NAALADL2: variants seen among roughly 807,000 people sequenced by gnomAD.
NAALADL2 encodes N-acetylated alpha-linked acidic dipeptidase like 2.
A neutral mutation model predicts 87.2 loss-of-function variants in NAALADL2; 76 were observed. The observed-to-expected ratio is 0.87, with a 90% CI of 0.72 to 1.05. The LOEUF is 1.05. Among genes scored for constraint, NAALADL2 ranks in the 50% least tolerant of loss-of-function variants. The pLI, the probability that NAALADL2 is intolerant of heterozygous loss-of-function variation, is 0.00. For synonymous variants in NAALADL2, 354 were observed against 331.0 expected, an observed-to-expected ratio of 1.07 and a Z score of -0.75; for missense variants, 1,089 against 945.8, an observed-to-expected ratio of 1.15 and a Z score of -1.99.
At chr3:175,481,518 C>T (rs1726467455) in intron 9 of NAALADL2, among the ~76,000 whole-genome samples, 1 of 151,578 alleles carries the variant, frequency 6.6e-6, no homozygotes, top group Admixed American at 6.6e-5. Flanking sequence ...AAAATGGCGC[C>T]ATCCCTTGAA....
chr3:175,215,887 G>A (rs1251978653), intron 2 of NAALADL2, among the ~76,000 whole-genome samples: 1 of 152,106 alleles, frequency 6.6e-6, no homozygotes, highest in African/African-American at 2.4e-5. Context: ...AGACAGGCTA[G>A]GTGCTAATAA....
chr3:174,973,976 C>A (rs1176434421), intron 1 of NAALADL2, among the ~76,000 whole-genome samples: 1 of 152,088 alleles, frequency 6.6e-6, no homozygotes, highest in Non-Finnish European at 1.5e-5. Flanking sequence ...AATGATATAA[C>A]CTGTATCTAT....
At chr3:175,090,327 A>G (rs1030248346) in intron 1 of NAALADL2, among the ~76,000 whole-genome samples, 3 of 151,966 alleles carry the variant, frequency 2.0e-5, no homozygotes, top group Non-Finnish European at 4.4e-5. Context: ...GGTTCATACT[A>G]ATCAGCTCTT....
In NAALADL2 at chr3:175,325,531, G is replaced by A. The variant is rs188303540; in HGVS notation, c.1090+1206G>A. Among the ~76,000 whole-genome samples the A allele has an allele frequency of 9.1e-4, 139 of 152,296 alleles. 1 individual carries two copies. Among genetic ancestry groups the A allele is most frequent in the Non-Finnish European group, 7.8e-4 (53 of 68,028 alleles). On this transcript the variant is annotated intron_variant, in intron 5 of 13. Transcript: ENST00000454872. Reference sequence around the variant, plus strand: ...GCAAATACACTCACTGTCCTGCATTGTAATTGCTCAGCTTCAGGAAGCTGC... The same window carrying A: ...GCAAATACACTCACTGTCCTGCATTATAATTGCTCAGCTTCAGGAAGCTGC...
intron 11 of NAALADL2, among the ~76,000 whole-genome samples, chr3:175,716,613 A>G (rs1344923817): frequency 1.3e-5 from 2 of 152,092 alleles, no homozygotes; most frequent in East Asian, 3.9e-4. Flanking sequence ...ATATAGGCCA[A>G]AAAAGTCTTA....
intron 1 of NAALADL2, among the ~76,000 whole-genome samples, chr3:175,005,345 T>C (rs1748874132): frequency 6.6e-6 from 1 of 152,138 alleles, no homozygotes; most frequent in Non-Finnish European, 1.5e-5. Context: ...TCACTAAGTG[T>C]TGACTGTATT....
intron 11 of NAALADL2, among the ~76,000 whole-genome samples, chr3:175,686,833 G>C: frequency 6.6e-6 from 1 of 152,146 alleles, no homozygotes; most frequent in East Asian, 1.9e-4. Flanking sequence ...AGGTCAGGGA[G>C]AGGTCATGAA....
chr3:174,598,752 GA>G (rs1718161432), intron 2 of NAALADL2, among the ~76,000 whole-genome samples: 1 of 151,964 alleles, frequency 6.6e-6, no homozygotes, highest in Admixed American at 6.6e-5. Context: ...CATTACTATA[GA>G]AAAAAAGTAC....
chr3:174,519,834 A>T lies in NAALADL2; in HGVS notation c.-183-30735A>T, dbSNP rs189611527. Among the ~76,000 whole-genome samples the T allele has an allele frequency of 1.1e-4, 17 of 152,292 alleles. No individual in the cohort carries two copies. In the East Asian group the frequency reaches 3.3e-3, roughly 29 times the overall value. ...CTTAACGAACTATGCATCAAAAGGA[A>T]TATACCTCAAAATAAGGAGAGCCAC... On this transcript the variant is annotated intron_variant, in intron 1 of 3. Transcript: ENST00000434257.
chr3:174,753,944 T>A (rs1384090134), intron 3 of NAALADL2, among the ~76,000 whole-genome samples: 1 of 152,070 alleles, frequency 6.6e-6, no homozygotes, highest in African/African-American at 2.4e-5. Flanking sequence ...GAGGCCAAAA[T>A]AAGGAAGTGG....
chr3:175,065,072 A>G (rs941030650), intron 1 of NAALADL2, among the ~76,000 whole-genome samples: 1 of 152,184 alleles, frequency 6.6e-6, no homozygotes, highest in East Asian at 1.9e-4. Context: ...CCAACATTTA[A>G]AAAGAAGGAA....
intron 11 of NAALADL2, among the ~76,000 whole-genome samples, chr3:175,734,806 C>T (rs192120027): frequency 6.6e-6 from 1 of 152,278 alleles, no homozygotes; most frequent in African/African-American, 2.4e-5. Context: ...TTTTTTCCTC[C>T]CAAACCTCCA....
intron 2 of NAALADL2, among the ~76,000 whole-genome samples, chr3:174,684,917 A>G (rs1284887890): frequency 6.6e-6 from 1 of 152,060 alleles, no homozygotes; most frequent in Non-Finnish European, 1.5e-5. Flanking sequence ...TCACCCGGCC[A>G]CTGTGATAAA....
chr3:174,939,369 C>A (rs921313786), intron 1 of NAALADL2, among the ~76,000 whole-genome samples: 1 of 151,822 alleles, frequency 6.6e-6, no homozygotes, highest in Non-Finnish European at 1.5e-5. Flanking sequence ...GGTCCATGTG[C>A]CTATTTTTAT....
chr3:175,369,416 G>A (rs1315059923), intron 5 of NAALADL2: 1 of 150,610 alleles, frequency 6.6e-6, no homozygotes, highest in African/African-American at 2.5e-5. Context: ...AAGTATGTGT[G>A]TGCCTGTGTG....
At chr3:174,519,005 C>CT (rs953913085) in intron 1 of NAALADL2, among the ~76,000 whole-genome samples, 16 of 152,170 alleles carry the variant, frequency 1.1e-4, no homozygotes, top group African/African-American at 3.6e-4. Context: ...TAGAATATCT[C>CT]TGAGTTAACA....
At chr3:174,995,029 T>G (rs1205351858) in intron 1 of NAALADL2, among the ~76,000 whole-genome samples, 1 of 152,080 alleles carries the variant, frequency 6.6e-6, no homozygotes, top group African/African-American at 2.4e-5. Context: ...CTTCAGGGTT[T>G]AGAAGGCCAT....
chr3:174,645,605 GCATT>G (rs1723701700), intron 2 of NAALADL2, among the ~76,000 whole-genome samples: 1 of 152,104 alleles, frequency 6.6e-6, no homozygotes. Context: ...GTGCCCTACA[GCATT>G]CAAAGGTAAT....
chr3:175,557,866 T>G (rs1715543833), intron 9 of NAALADL2, among the ~76,000 whole-genome samples: 1 of 152,160 alleles, frequency 6.6e-6, no homozygotes, highest in African/African-American at 2.4e-5. Flanking sequence ...CCTTTTAATA[T>G]ACCTGTTTGT....
Sources: gnomAD v4.1 joint callset for allele counts (sites outside exome capture counted in the v4.1 genomes callset) on GRCh38, gnomAD v4.1.1 for gene constraint, MANE v1.5 for transcripts, NCBI Gene and HGNC (gene_info 2026-07-23, HGNC 2026-07-21) for gene names.